Variants in MCTP2 observed in about 807,000 individuals in gnomAD.
MCTP2 encodes multiple C2 and transmembrane domain-containing protein 2.
A neutral mutation model predicts 111.6 loss-of-function variants in MCTP2; 132 were observed. The observed-to-expected ratio is 1.18, with a 90% CI of 1.03 to 1.37. The LOEUF (loss-of-function observed/expected upper bound fraction) is 1.37, where lower values mean the gene tolerates loss of function less well. MCTP2 is among the 40% of genes most tolerant of loss of function. MCTP2 has a pLI of 0.00. For missense variants in MCTP2, 1,183 were observed against 1,067.9 expected (o/e 1.11, Z -1.50); for synonymous variants, 395 against 387.7 (o/e 1.02, Z -0.22).
At chr15:94,467,520 CGGGTTG>C (rs966264839) in intron 20 of MCTP2, among the ~76,000 whole-genome samples, 23 of 151,930 alleles carry the variant, frequency 1.5e-4, no homozygotes, top group South Asian at 4.1e-4. Context: ...TTTGAGCCCG[CGGGTTG>C]GGGTTGGGGG....
chr15:94,309,452 G>A (rs1448999917), intron 2 of MCTP2, among the ~76,000 whole-genome samples: 1 of 152,136 alleles, frequency 6.6e-6, no homozygotes, highest in African/African-American at 2.4e-5. Context: ...GTGGGTTTAT[G>A]TTTTCTTCCT....
At position 94,398,888 on chromosome 15, in the gene MCTP2, T is replaced by C. The variant is rs1162790923; in HGVS notation, c.1789-73T>C. 5.8e-6 allele frequency: 5 copies of C among 861,936 alleles called. No individual in the cohort carries two copies. The African/African-American group carries it at 8.4e-5, about 15-fold the overall frequency. 53.4% of individuals were successfully genotyped at this position (861,936 alleles called of 1,614,324 possible). A position where few individuals can be genotyped will look rare whatever the true frequency, so the allele number is the denominator to read the frequency against. On this transcript the variant is annotated intron_variant, in intron 14 of 22. Coordinates refer to ENST00000357742, the MANE Select transcript of MCTP2 (RefSeq NM_001385001.1). ...TGTGCATCCCCAATTTTGCCAAAGT[T>C]AGTTTTGGTTATTTACTTTAAACCA...
intron 17 of MCTP2, among the ~76,000 whole-genome samples, chr15:94,411,862 T>C: frequency 6.6e-6 from 1 of 152,230 alleles, no homozygotes. Context: ...GATTCTCTTA[T>C]TACCTAAATC....
At chr15:94,430,109 T>C (rs1344495017) in intron 17 of MCTP2, among the ~76,000 whole-genome samples, 2 of 152,178 alleles carry the variant, frequency 1.3e-5, no homozygotes, top group Non-Finnish European at 2.9e-5. Context: ...GCTTTGTAGA[T>C]GAAATATGTG....
chr15:94,360,852 ATT>A (rs36116474), intron 10 of MCTP2, among the ~76,000 whole-genome samples: 8 of 147,032 alleles, frequency 5.4e-5, no homozygotes, highest in African/African-American at 1.5e-4. Flanking sequence ...ATTTTAAAGA[ATT>A]TTTTTTTTTT....
chr15:94,348,307 G>A (rs2078098513), intron 8 of MCTP2, among the ~76,000 whole-genome samples: 1 of 150,256 alleles, frequency 6.7e-6, no homozygotes, highest in Non-Finnish European at 1.5e-5. Context: ...GACAGTCATA[G>A]CATTTGGAGG....
At chr15:94,351,672 C>T (rs1006133808) in intron 8 of MCTP2, among the ~76,000 whole-genome samples, 1 of 152,206 alleles carries the variant, frequency 6.6e-6, no homozygotes, top group Non-Finnish European at 1.5e-5. Flanking sequence ...TGGCACCTGG[C>T]AGGTATGCTC....
intron 2 of MCTP2, among the ~76,000 whole-genome samples, chr15:94,306,018 G>T (rs567267981): frequency 6.6e-6 from 1 of 152,084 alleles, no homozygotes; most frequent in Non-Finnish European, 1.5e-5. Context: ...GGTTCTTGCC[G>T]TAGGTATTGA....
rs113301996 is a variant in MCTP2, at chr15:94,362,070, G to C, written c.1301+3458G>C. ...CTCCTAAAAACACTGGGGTTGGTGA[G>C]ATGAAGGTGCTTGGGTAAGATCAAC... On this transcript the variant is annotated intron_variant, in intron 10 of 22. Transcript: ENST00000357742. Among the ~76,000 whole-genome samples, 949 of 152,264 alleles carry C rather than the reference G, an allele frequency of 6.2e-3. 10 individuals carry two copies. Among genetic ancestry groups the C allele is most frequent in the African/African-American group, 0.02 (816 of 41,542 alleles).
chr15:94,367,692 G>C lies in MCTP2; in HGVS notation c.1389G>C (p.Met463Ile). The C allele has an allele frequency of 6.2e-7, 1 of 1,612,150 alleles. No homozygotes were observed. Among genetic ancestry groups the C allele is most frequent in the Non-Finnish European group, 8.5e-7 (1 of 1,179,162 alleles). ...ACAGCTGTCTGGGGGCTCTCCTTATGTTGGTCACACTTACACCCTGTGCGG... is the reference window on the plus strand; with the variant it reads ...ACAGCTGTCTGGGGGCTCTCCTTATCTTGGTCACACTTACACCCTGTGCGG... ...PLDSCLGALL[M>I]LVTLTPCAGV... The change falls in exon 11 of 23, where the codon ATG becomes ATC. Residue 463 changes from methionine to isoleucine, a missense_variant. Transcript: ENST00000357742.
intron 17 of MCTP2, among the ~76,000 whole-genome samples, chr15:94,429,616 G>T (rs2083070476): frequency 6.6e-6 from 1 of 152,022 alleles, no homozygotes; most frequent in Non-Finnish European, 1.5e-5. Flanking sequence ...CTCTTTTTCT[G>T]ATCCCCTATC....
intron 4 of MCTP2, among the ~76,000 whole-genome samples, chr15:94,336,523 T>C (rs1284100470): frequency 6.6e-6 from 1 of 151,984 alleles, no homozygotes; most frequent in Non-Finnish European, 1.5e-5. Flanking sequence ...TGTGGCACAT[T>C]AGCATGCCTG....
intron 17 of MCTP2, among the ~76,000 whole-genome samples, chr15:94,426,302 T>C (rs1302328141): frequency 6.6e-6 from 1 of 152,158 alleles, no homozygotes; most frequent in African/African-American, 2.4e-5. Context: ...CTCTTTTCTC[T>C]CTCTTTCTGG....
chr15:94,307,106 G>T (rs958384541), intron 2 of MCTP2, among the ~76,000 whole-genome samples: 1 of 152,106 alleles, frequency 6.6e-6, no homozygotes, highest in African/African-American at 2.4e-5. Context: ...CGCACCTGTT[G>T]AACGCCTGCT....
chr15:94,314,182 A>C (rs895747569), intron 2 of MCTP2, 100 bp from the exon 3 acceptor site: 35 of 793,214 alleles, frequency 4.4e-5, no homozygotes, highest in Admixed American at 1.9e-4. Flanking sequence ...GCATATGCAA[A>C]TATCAGATTT....
At chr15:94,301,684 T>G (rs1347387073) in intron 2 of MCTP2, among the ~76,000 whole-genome samples, 1 of 152,252 alleles carries the variant, frequency 6.6e-6, no homozygotes, top group Non-Finnish European at 1.5e-5. Flanking sequence ...TGAGTTTTCT[T>G]TAGTTTATGA....
chr15:94,465,998 A>ATCTTGGACTGTATTAGTTC (rs1435284844), intron 20 of MCTP2, among the ~76,000 whole-genome samples: 1 of 152,126 alleles, frequency 6.6e-6, no homozygotes, highest in Non-Finnish European at 1.5e-5. Flanking sequence ...TCTTTGGAAA[A>ATCTTGGACTGTATTAGTTC]TCTTGGACTG....
At chr15:94,390,100 ATATATATATATATG>A (rs59116165) in intron 14 of MCTP2, among the ~76,000 whole-genome samples, 1,109 of 82,522 alleles carry the variant, frequency 0.013, 65 homozygotes, top group African/African-American at 0.033. Context: ...GTATATATAT[ATATATATATATATG>A]TATATATATA....
At chr15:94,244,273 C>T (rs2071516560) in intron 1 of MCTP2, among the ~76,000 whole-genome samples, 2 of 142,250 alleles carry the variant, frequency 1.4e-5, no homozygotes, top group South Asian at 2.2e-4. Flanking sequence ...TTTATATACA[C>T]ACATATATAC....
Sources: gnomAD v4.1 joint callset for allele counts (sites outside exome capture counted in the v4.1 genomes callset) on GRCh38, gnomAD v4.1.1 for gene constraint, MANE v1.5 for transcripts, NCBI Gene and HGNC (gene_info 2026-07-23, HGNC 2026-07-21) for gene names.